TMTC2: variants seen among roughly 807,000 people sequenced by gnomAD.
The protein encoded by TMTC2 is protein O-mannosyl-transferase TMTC2.
In TMTC2, 43 loss-of-function variants were observed where a neutral mutation model predicts 82.4. The ratio of observed to expected loss-of-function variants is 0.52; its 90% confidence interval spans 0.41 to 0.67. The LOEUF (loss-of-function observed/expected upper bound fraction) is 0.67, where lower values mean the gene tolerates loss of function less well. TMTC2 is among the 30% of genes least tolerant of loss of function. The probability of loss-of-function intolerance (pLI) is 0.00; values close to 1 mark genes in which losing one functional copy is unlikely to be tolerated. For synonymous variants in TMTC2, 408 were observed against 381.9 expected (o/e 1.07, Z -0.80); for missense variants, 919 against 1,012.4 (o/e 0.91, Z 1.25).
chr12:82,910,676 C>T (rs1002239439), intron 3 of TMTC2, among the ~76,000 whole-genome samples: 7 of 152,118 alleles, frequency 4.6e-5, no homozygotes, highest in African/African-American at 1.7e-4. Context: ...AGATGGATTT[C>T]CCATGGAGTC....
intron 1 of TMTC2, among the ~76,000 whole-genome samples, chr12:82,709,279 A>G (rs1272278033): frequency 1.3e-5 from 2 of 152,174 alleles, no homozygotes; most frequent in Non-Finnish European, 2.9e-5. Context: ...GTTTTTCAGG[A>G]ATGTTGTTAA....
At chr12:82,750,982 T>A (rs777502583) in intron 1 of TMTC2, among the ~76,000 whole-genome samples, 1 of 152,204 alleles carries the variant, frequency 6.6e-6, no homozygotes, top group East Asian at 1.9e-4. Context: ...CAAGCGTGAC[T>A]TCAGAGCCTG....
chr12:82,746,073 T>C (rs1230647914), intron 1 of TMTC2, among the ~76,000 whole-genome samples: 1 of 152,244 alleles, frequency 6.6e-6, no homozygotes, highest in South Asian at 2.1e-4. Context: ...GAAAGCATTA[T>C]GGAATACATT....
intron 2 of TMTC2, among the ~76,000 whole-genome samples, chr12:82,883,246 T>C (rs1199918): frequency 0.081 from 12,342 of 152,120 alleles, 777 homozygotes; most frequent in African/African-American, 0.17. Context: ...CCATTTGACA[T>C]TGAATTTACT....
intron 3 of TMTC2, among the ~76,000 whole-genome samples, chr12:82,902,499 C>CTGTTTAGCTTTTTCTTTT (rs1874072119): frequency 6.6e-6 from 1 of 152,202 alleles, no homozygotes; most frequent in Admixed American, 6.5e-5. Flanking sequence ...GATTTTCAGT[C>CTGTTTAGCTTTTTCTTTT]TGTTTAGCTT....
At chr12:82,831,338 G>A (rs1021179382) in intron 1 of TMTC2, among the ~76,000 whole-genome samples, 2 of 152,200 alleles carry the variant, frequency 1.3e-5, no homozygotes, top group Non-Finnish European at 2.9e-5. Flanking sequence ...AATTCTCAAA[G>A]CAGGTCACCC....
At chr12:83,035,455 A>G (rs1214966919) in intron 9 of TMTC2, among the ~76,000 whole-genome samples, 1 of 152,176 alleles carries the variant, frequency 6.6e-6, no homozygotes, top group African/African-American at 2.4e-5. Flanking sequence ...AAAGATTGAC[A>G]TGGACTCCAA....
intron 1 of TMTC2, among the ~76,000 whole-genome samples, chr12:82,786,887 T>A (rs930072564): frequency 1.3e-5 from 2 of 152,192 alleles, no homozygotes; most frequent in African/African-American, 4.8e-5. Context: ...TGTAGTTGAT[T>A]TATGTATATG....
chr12:82,718,808 A>G (rs368202576), intron 1 of TMTC2, among the ~76,000 whole-genome samples: 2 of 151,942 alleles, frequency 1.3e-5, no homozygotes, highest in African/African-American at 4.8e-5. Context: ...GTAGTATACC[A>G]TAGGAAAATA....
intron 1 of TMTC2, 99 bp from the exon 2 acceptor site, chr12:82,856,911 G>A (rs950435672): frequency 4.2e-6 from 5 of 1,193,646 alleles, no homozygotes; most frequent in Admixed American, 4.5e-5. Flanking sequence ...AAGCTACATA[G>A]TAACAAAGCT....
chr12:82,769,387 A>G (rs2136992807), intron 1 of TMTC2, among the ~76,000 whole-genome samples: 1 of 152,070 alleles, frequency 6.6e-6, no homozygotes, highest in South Asian at 2.1e-4. Context: ...GAGGCAGGAG[A>G]ATCGTTTGAG....
At chr12:82,765,662 G>T (rs1467234988) in intron 1 of TMTC2, among the ~76,000 whole-genome samples, 1 of 151,302 alleles carries the variant, frequency 6.6e-6, no homozygotes, top group Admixed American at 6.6e-5. Context: ...CAACAAGAGT[G>T]AAACTCCATC....
chr12:83,129,259 G>A (rs564324703), intron 11 of TMTC2, among the ~76,000 whole-genome samples: 1 of 152,224 alleles, frequency 6.6e-6, no homozygotes, highest in South Asian at 2.1e-4. Context: ...ATTAGGGGAA[G>A]CAATTAATGA....
At chr12:82,802,481 G>A (rs1310010798) in intron 1 of TMTC2, among the ~76,000 whole-genome samples, 2 of 152,186 alleles carry the variant, frequency 1.3e-5, no homozygotes, top group Non-Finnish European at 2.9e-5. Flanking sequence ...AGCGAGGACT[G>A]GGAGGGCTGC....
Position 82,687,377 on chromosome 12 carries a change from C to T in TMTC2, c.-210C>T. 1 of 587,476 alleles carries T rather than the reference C, an allele frequency of 1.7e-6. No individual in the cohort carries two copies. The allele number at this position is 587,476 out of a possible 1,614,324, so 36.4% of individuals were successfully genotyped here. ...TGGGGAGTGTGGTGTGAGCCCGCACCCGGGGAGGACGCAGGAGCTGCGGAG... is the reference window on the plus strand; with the variant it reads ...TGGGGAGTGTGGTGTGAGCCCGCACTCGGGGAGGACGCAGGAGCTGCGGAG... On this transcript the variant is annotated 5_prime_UTR_variant, in exon 1 of 12. Transcript: ENST00000321196.
chr12:83,106,850 A>G (rs1416028091), intron 11 of TMTC2, among the ~76,000 whole-genome samples: 1 of 152,242 alleles, frequency 6.6e-6, no homozygotes, highest in Non-Finnish European at 1.5e-5. Context: ...ACTGAAAAAT[A>G]TGGCCACTGG....
chr12:82,820,377 C>CT lies in TMTC2; in HGVS notation c.84-36623dup, dbSNP rs552565465. On this transcript the variant is annotated intron_variant, in intron 1 of 11. Coordinates refer to ENST00000321196, the MANE Select transcript of TMTC2 (RefSeq NM_152588.3). ...ATTTCTTTCCTTCTTTTTCTTTTCT[C>CT]TTTTTTTTTTCGAGACACAGTCTTG... 3.1e-3 allele frequency among the ~76,000 whole-genome samples: 461 copies of CT among 149,472 alleles called. 4 individuals carry two copies. The highest frequency in any genetic ancestry group is 0.01 in the African/African-American group (418 of 40,828).
At chr12:82,725,514 A>G (rs535846737) in intron 1 of TMTC2, among the ~76,000 whole-genome samples, 3 of 152,344 alleles carry the variant, frequency 2.0e-5, no homozygotes, top group African/African-American at 7.2e-5. Context: ...CCAATTGTTA[A>G]TGGTGCACAC....
Position 82,687,515 on chromosome 12 carries a change from T to C in TMTC2, c.-72T>C. The C allele has an allele frequency of 1.4e-6, 2 of 1,439,580 alleles. No individual in the cohort carries two copies. The highest frequency in any genetic ancestry group is 1.9e-6 in the Non-Finnish European group (2 of 1,043,550). The allele number at this position is 1,439,580 out of a possible 1,614,324, so 89.2% of individuals were successfully genotyped here. A position where few individuals can be genotyped will look rare whatever the true frequency, so the allele number is the denominator to read the frequency against. On this transcript the variant is annotated 5_prime_UTR_variant, in exon 1 of 12. Coordinates refer to ENST00000321196, the MANE Select transcript of TMTC2 (RefSeq NM_152588.3). ...GGAGAAGGCGGCGGAAGGTGGAGATTGATGCTTCTGTTTTTTGTTGCCGCT... is the reference window on the plus strand; with the variant it reads ...GGAGAAGGCGGCGGAAGGTGGAGATCGATGCTTCTGTTTTTTGTTGCCGCT...
Sources: gnomAD v4.1 joint callset for allele counts (sites outside exome capture counted in the v4.1 genomes callset) on GRCh38, gnomAD v4.1.1 for gene constraint, MANE v1.5 for transcripts, NCBI Gene and HGNC (gene_info 2026-07-23, HGNC 2026-07-21) for gene names.